Variants in PRKCE observed in about 807,000 individuals in gnomAD.
PRKCE encodes the protein protein kinase C epsilon type.
PRKCE carries 16 observed loss-of-function variants against 85.4 expected under a neutral mutation model. The observed-to-expected ratio is 0.19, with a 90% confidence interval of 0.13 to 0.28. The LOEUF (loss-of-function observed/expected upper bound fraction) is 0.28, where lower values mean the gene tolerates loss of function less well. Among genes scored for constraint, PRKCE ranks in the 10% least tolerant of loss-of-function variants. The pLI is 1.00. For synonymous variants in PRKCE, 388 were observed against 371.5 expected, an observed-to-expected ratio of 1.04 and a Z score of -0.51; for missense variants, 573 against 975.2, an observed-to-expected ratio of 0.59 and a Z score of 5.49.
At chr2:45,876,020 A>G (rs1694448697) in intron 2 of PRKCE, among the ~76,000 whole-genome samples, 2 of 152,312 alleles carry the variant, frequency 1.3e-5, no homozygotes, top group South Asian at 4.1e-4. Flanking sequence ...TATGGGGGCT[A>G]AAAATCTACA....
At chr2:45,978,526 G>C (rs1370637023) in intron 3 of PRKCE, 1 of 159,044 alleles carries the variant, frequency 6.3e-6, no homozygotes, top group African/African-American at 2.4e-5. Context: ...GGTGGTCTTT[G>C]GACTGCCCAG....
chr2:46,178,199 G>T (rs1679618704), intron 14 of PRKCE, among the ~76,000 whole-genome samples: 1 of 152,220 alleles, frequency 6.6e-6, no homozygotes, highest in African/African-American at 2.4e-5. Flanking sequence ...GGCGGAGGTT[G>T]CAGTGAGCCA....
At chr2:45,922,408 G>A (rs1057173995) in intron 2 of PRKCE, among the ~76,000 whole-genome samples, 1 of 152,144 alleles carries the variant, frequency 6.6e-6, no homozygotes, top group Non-Finnish European at 1.5e-5. Flanking sequence ...ACCCTCAGGG[G>A]GCAAAACATC....
At chr2:45,784,244 G>T (rs1443283936) in intron 1 of PRKCE, among the ~76,000 whole-genome samples, 1 of 152,288 alleles carries the variant, frequency 6.6e-6, no homozygotes, top group Non-Finnish European at 1.5e-5. Context: ...AGGAGCTGAA[G>T]ACATGGAATT....
At chr2:46,047,491 C>T (rs968574752) in intron 10 of PRKCE, among the ~76,000 whole-genome samples, 2 of 152,212 alleles carry the variant, frequency 1.3e-5, no homozygotes, top group Non-Finnish European at 2.9e-5. Flanking sequence ...TGTGAGCTCG[C>T]AGTGCTGTGT....
At chr2:46,180,836 G>T (rs533281936) in intron 14 of PRKCE, among the ~76,000 whole-genome samples, 94 of 152,314 alleles carry the variant, frequency 6.2e-4, no homozygotes, top group Non-Finnish European at 1.3e-3. Flanking sequence ...CAATAACCAG[G>T]AAAGGATGGC....
At chr2:45,987,630 G>A (rs1425097430) in intron 6 of PRKCE, among the ~76,000 whole-genome samples, 1 of 150,704 alleles carries the variant, frequency 6.6e-6, no homozygotes, top group Non-Finnish European at 1.5e-5. Context: ...AGCAGCACAC[G>A]TGCACAGCCA....
chr2:45,703,055 A>C (rs865938319), intron 1 of PRKCE, among the ~76,000 whole-genome samples: 7 of 148,324 alleles, frequency 4.7e-5, no homozygotes, highest in African/African-American at 1.2e-4. Flanking sequence ...CTTATTCCTA[A>C]CTAAAAGTTG....
At chr2:45,832,530 C>G (rs1690516628) in intron 1 of PRKCE, among the ~76,000 whole-genome samples, 1 of 152,146 alleles carries the variant, frequency 6.6e-6, no homozygotes, top group South Asian at 2.1e-4. Context: ...CCAAGCTGGT[C>G]TTGAACTCCT....
At chr2:45,881,031 T>G (rs1694845293) in intron 2 of PRKCE, among the ~76,000 whole-genome samples, 1 of 150,884 alleles carries the variant, frequency 6.6e-6, no homozygotes, top group East Asian at 1.9e-4. Context: ...CGGGCGCCTG[T>G]AGTCCCAGCT....
chr2:46,165,098 C>T (rs1678204120), intron 14 of PRKCE, among the ~76,000 whole-genome samples: 1 of 152,232 alleles, frequency 6.6e-6, no homozygotes, highest in South Asian at 2.1e-4. Flanking sequence ...CCTGCCCTGA[C>T]TCACCAGCTG....
chr2:45,828,344 G>T (rs1051729316), intron 1 of PRKCE, among the ~76,000 whole-genome samples: 1 of 152,200 alleles, frequency 6.6e-6, no homozygotes, highest in Admixed American at 6.5e-5. Context: ...AGGTTGCAGT[G>T]AGCCAAGGTA....
chr2:45,703,029 C>CCG (rs879342123), intron 1 of PRKCE, among the ~76,000 whole-genome samples: 1 of 151,772 alleles, frequency 6.6e-6, no homozygotes. Flanking sequence ...TTTCCCCCCC[C>CCG]GTCAGGAAGT....
At chr2:45,677,352 G>A (rs1002758117) in intron 1 of PRKCE, among the ~76,000 whole-genome samples, 1 of 140,836 alleles carries the variant, frequency 7.1e-6, no homozygotes, top group Admixed American at 7.2e-5. Flanking sequence ...TGTTGTTGTT[G>A]TTTTTTTTTT....
chr2:46,036,702 G>T (rs34768972), intron 10 of PRKCE, among the ~76,000 whole-genome samples: 22,979 of 152,114 alleles, frequency 0.15, 1,834 homozygotes, highest in Middle Eastern at 0.18. Context: ...TCTGGGCTGG[G>T]GTGGTCAAGG....
At chr2:46,010,180 A>G (rs988325228) in intron 9 of PRKCE, among the ~76,000 whole-genome samples, 164 bp from the exon 10 acceptor site, 3 of 152,204 alleles carry the variant, frequency 2.0e-5, no homozygotes, top group Non-Finnish European at 4.4e-5. Context: ...CTTCTACCTC[A>G]GCCTCCCAAG....
At chr2:45,713,499 T>C (rs751782203) in intron 1 of PRKCE, among the ~76,000 whole-genome samples, 14 of 151,912 alleles carry the variant, frequency 9.2e-5, no homozygotes, top group African/African-American at 2.9e-4. Flanking sequence ...AACCCTGCTG[T>C]AAGAAACTCA....
At chr2:46,077,708 C>T (rs1014651013) in intron 10 of PRKCE, among the ~76,000 whole-genome samples, 2 of 152,278 alleles carry the variant, frequency 1.3e-5, no homozygotes, top group African/African-American at 2.4e-5. Context: ...GGAACATTGA[C>T]ATCACTAAAA....
chr2:45,992,723 T>C (rs1703905591), intron 6 of PRKCE, among the ~76,000 whole-genome samples: 2 of 152,210 alleles, frequency 1.3e-5, no homozygotes, highest in Non-Finnish European at 2.9e-5. Flanking sequence ...CTGCTTGCTT[T>C]GGAGGAATTC....
Sources: allele counts gnomAD v4.1 joint callset (sites outside exome capture counted in the v4.1 genomes callset), GRCh38; gene constraint gnomAD v4.1.1; transcripts MANE v1.5; gene names NCBI Gene and HGNC (gene_info 2026-07-23, HGNC 2026-07-21).